DMD: variants seen among roughly 807,000 people sequenced by gnomAD.
DMD encodes dystrophin.
In DMD, 63 loss-of-function variants were observed where a neutral mutation model predicts 330.1. That is an observed-to-expected ratio of 0.19 (90% CI 0.16 to 0.24). The LOEUF is 0.24. Among genes scored for constraint, DMD ranks in the 10% least tolerant of loss-of-function variants. The pLI is 1.00. For synonymous variants in DMD, 1,223 were observed against 959.8 expected (o/e 1.27, Z -5.07); for missense variants, 3,344 against 2,684.1 (o/e 1.25, Z -5.43).
chrX:32,955,620 T>C (rs1428132420), intron 2 of DMD, among the ~76,000 whole-genome samples: 1 of 112,048 alleles, frequency 8.9e-6, no homozygotes, highest in Non-Finnish European at 1.9e-5. Context: ...TCTGTTCCTA[T>C]GTCCTAAATG....
chrX:31,208,038 CT>C (rs2148578499), intron 65 of DMD, among the ~76,000 whole-genome samples: 1 of 111,536 alleles, frequency 9.0e-6, no homozygotes, highest in East Asian at 2.8e-4. Flanking sequence ...AGTTTTTTGG[CT>C]TCTTATTTTA....
intron 44 of DMD, among the ~76,000 whole-genome samples, chrX:32,156,631 T>TACACACACACACACACAC (rs747490085): frequency 2.1e-5 from 2 of 94,055 alleles, no homozygotes; most frequent in African/African-American, 7.8e-5. Flanking sequence ...GACAAAAGGA[T>TACACACACACACACACAC]ACACACACAC....
chrX:31,688,562 C>A (rs1326857876), intron 52 of DMD, among the ~76,000 whole-genome samples: 1 of 111,749 alleles, frequency 8.9e-6, no homozygotes, highest in Non-Finnish European at 1.9e-5. Flanking sequence ...TGGTATCATT[C>A]CTTCTAAAAC....
intron 60 of DMD, among the ~76,000 whole-genome samples, chrX:31,432,366 A>G (rs1602767203): frequency 8.9e-6 from 1 of 112,276 alleles, no homozygotes; most frequent in Non-Finnish European, 1.9e-5. Flanking sequence ...AATTCTTCTT[A>G]TAAAGGGAGA....
intron 9 of DMD, among the ~76,000 whole-genome samples, chrX:32,693,459 G>A (rs1461295570): frequency 8.9e-6 from 1 of 111,760 alleles, no homozygotes; most frequent in Admixed American, 9.5e-5. Flanking sequence ...GTAGTGTTTT[G>A]AGACCGAGTC....
chrX:32,513,899 A>T (rs904035333), intron 18 of DMD, among the ~76,000 whole-genome samples: 6 of 111,104 alleles, frequency 5.4e-5, no homozygotes, highest in Admixed American at 1.9e-4. Context: ...TGAAAGAATT[A>T]ATCAGGAGAA....
intron 41 of DMD, among the ~76,000 whole-genome samples, chrX:32,338,457 G>A (rs1192357662): frequency 9.1e-6 from 1 of 109,911 alleles, no homozygotes; most frequent in African/African-American, 3.3e-5. Context: ...TCCAGACTTT[G>A]TTTTTTCAAA....
At chrX:33,285,184 A>G (rs2053413259) in intron 1 of DMD, among the ~76,000 whole-genome samples, 2 of 111,784 alleles carry the variant, frequency 1.8e-5, no homozygotes, top group African/African-American at 6.5e-5. Flanking sequence ...CTCAACTTAC[A>G]AAGTACATTT....
At chrX:31,282,446 A>G (rs192380080) in intron 62 of DMD, among the ~76,000 whole-genome samples, 56 of 111,328 alleles carry the variant, frequency 5.0e-4, no homozygotes, top group African/African-American at 1.7e-3. Context: ...CTATAAATGA[A>G]CACTTTACTG....
chrX:32,386,703 G>GCTATTATTAAAC (rs2147563759), intron 32 of DMD, among the ~76,000 whole-genome samples: 1 of 95,023 alleles, frequency 1.1e-5, no homozygotes, highest in East Asian at 3.8e-4. Flanking sequence ...ATTAAACAGA[G>GCTATTATTAAAC]AGTTAATCAT....
intron 62 of DMD, among the ~76,000 whole-genome samples, chrX:31,321,995 G>T (rs1315281972): frequency 2.7e-5 from 3 of 111,754 alleles, no homozygotes; most frequent in African/African-American, 9.8e-5. Context: ...CAATGGGACC[G>T]GGGAGACCCT....
At chrX:31,352,138 C>G (rs905396483) in intron 60 of DMD, among the ~76,000 whole-genome samples, 1 of 111,096 alleles carries the variant, frequency 9.0e-6, no homozygotes, top group Admixed American at 9.6e-5. Flanking sequence ...GTGTGCATAT[C>G]GATGAAACTG....
At chrX:31,417,880 G>T (rs1490345146) in intron 60 of DMD, among the ~76,000 whole-genome samples, 1 of 107,887 alleles carries the variant, frequency 9.3e-6, no homozygotes, top group Non-Finnish European at 1.9e-5. Flanking sequence ...GTAGAGACGG[G>T]GTTCCACCAT....
intron 1 of DMD, among the ~76,000 whole-genome samples, chrX:33,330,617 G>GTCATGC (rs1222906254): frequency 1.7e-4 from 19 of 111,641 alleles, no homozygotes; most frequent in Non-Finnish European, 1.9e-4. Flanking sequence ...AGTTTGCATG[G>GTCATGC]TCATGCTCAT....
intron 9 of DMD, among the ~76,000 whole-genome samples, chrX:32,667,740 A>G (rs1472152474): frequency 1.9e-5 from 2 of 106,725 alleles, no homozygotes; most frequent in African/African-American, 6.9e-5. Context: ...CCTTCGCTTA[A>G]AAGTTCTCAC....
chrX:32,734,730 A>T (rs983428192), intron 7 of DMD, among the ~76,000 whole-genome samples: 1 of 109,642 alleles, frequency 9.1e-6, no homozygotes, highest in Non-Finnish European at 1.9e-5. Flanking sequence ...CATGCTAAAA[A>T]CTCTCAGTAA....
chrX:32,366,446 C>A (rs1303593452), intron 34 of DMD, among the ~76,000 whole-genome samples: 1 of 112,283 alleles, frequency 8.9e-6, no homozygotes, highest in African/African-American at 3.2e-5. Context: ...ATGTCTTAAT[C>A]ACAGAAAGCC....
At chrX:32,761,027 C>T (rs1455275428) in intron 7 of DMD, among the ~76,000 whole-genome samples, 1 of 89,768 alleles carries the variant, frequency 1.1e-5, no homozygotes, top group Non-Finnish European at 2.0e-5. Context: ...GGCATTATTT[C>T]TCTCTCTCTC....
chrX:31,836,971 A>C, intron 48 of DMD, 152 bp from the exon 49 acceptor site: 1 of 474,709 alleles, frequency 2.1e-6, no homozygotes, highest in South Asian at 3.2e-5. Context: ...GGTGCAGAGA[A>C]AAGAAACAGA....
Sources: gnomAD v4.1 joint callset for allele counts (sites outside exome capture counted in the v4.1 genomes callset) on GRCh38, gnomAD v4.1.1 for gene constraint, MANE v1.5 for transcripts, NCBI Gene and HGNC (gene_info 2026-07-23, HGNC 2026-07-21) for gene names.